The following CHRNA3 variants were observed in gnomAD, a reference collection of about 807,000 sequenced individuals.
The protein encoded by CHRNA3 is neuronal acetylcholine receptor subunit alpha-3.
In CHRNA3, 34 loss-of-function variants were observed where a neutral mutation model predicts 41.9. The ratio of observed to expected loss-of-function variants is 0.81; its 90% confidence interval spans 0.62 to 1.08. The LOEUF (loss-of-function observed/expected upper bound fraction) is 1.08. CHRNA3 is among the 50% of genes least tolerant of loss of function. CHRNA3 has a pLI of 0.00. For missense variants in CHRNA3, 542 were observed against 638.3 expected (o/e 0.85, Z 1.63); for synonymous variants, 281 against 265.2 (o/e 1.06, Z -0.58).
At position 78,607,727 on chromosome 15, in the gene CHRNA3, T is replaced by G. The variant is rs1227606739; in HGVS notation, c.378-5463A>C. Reference sequence around the variant, plus strand: ...GGAGTGCCAGACAGTGGGTGCAGGATAGTGGGTGCAGCGCACTGTGCATGA... The same window carrying G: ...GGAGTGCCAGACAGTGGGTGCAGGAGAGTGGGTGCAGCGCACTGTGCATGA... On this transcript the variant is annotated intron_variant, in intron 4 of 5. Coordinates refer to ENST00000326828, the MANE Select transcript of CHRNA3 (RefSeq NM_000743.5). 2.0e-5 allele frequency among the ~76,000 whole-genome samples: 3 copies of G among 152,104 alleles called. No homozygotes were observed. In the East Asian group the frequency reaches 5.8e-4, roughly 29 times the overall value.
chr15:78,598,604 G>C (rs1378441055), intron 5 of CHRNA3, among the ~76,000 whole-genome samples: 1 of 152,046 alleles, frequency 6.6e-6, no homozygotes, highest in African/African-American at 2.4e-5. Context: ...GCAGTGGCAT[G>C]ACCTCGCCTC....
At chr15:78,607,954 C>T (rs574259508) in intron 4 of CHRNA3, among the ~76,000 whole-genome samples, 64 of 152,186 alleles carry the variant, frequency 4.2e-4, no homozygotes, top group Admixed American at 9.8e-4. Flanking sequence ...CCTACACACA[C>T]GGAGTCTTGC....
chr15:78,600,138 G>C (rs1451861833), intron 5 of CHRNA3: 2 of 152,118 alleles, frequency 1.3e-5, no homozygotes, highest in Admixed American at 6.6e-5. Context: ...CTGGAGTGCA[G>C]TGGCATGATC....
intron 5 of CHRNA3, among the ~76,000 whole-genome samples, chr15:78,598,307 C>T (rs141243401): frequency 2.0e-5 from 3 of 152,264 alleles, no homozygotes; most frequent in Non-Finnish European, 2.9e-5. Flanking sequence ...ATGACCCTTA[C>T]TCAAGCCTCA....
chr15:78,598,204 A>G (rs909510184), intron 5 of CHRNA3, among the ~76,000 whole-genome samples: 2 of 152,150 alleles, frequency 1.3e-5, no homozygotes, highest in African/African-American at 4.8e-5. Flanking sequence ...TTATCTGTAA[A>G]ATGGGGATAA....
chr15:78,610,798 G>T (rs2053368343), intron 4 of CHRNA3, among the ~76,000 whole-genome samples: 1 of 151,932 alleles, frequency 6.6e-6, no homozygotes, highest in Non-Finnish European at 1.5e-5. Context: ...CTGGTTTTTT[G>T]AAAAGATCAA....
At chr15:78,609,415 G>T (rs1465404987) in intron 4 of CHRNA3, among the ~76,000 whole-genome samples, 1 of 152,160 alleles carries the variant, frequency 6.6e-6, no homozygotes, top group African/African-American at 2.4e-5. Flanking sequence ...GAGAGTGGGG[G>T]CCAATATTCA....
chr15:78,607,707 G>T (rs953441581), intron 4 of CHRNA3, among the ~76,000 whole-genome samples: 1 of 152,224 alleles, frequency 6.6e-6, no homozygotes, highest in Non-Finnish European at 1.5e-5. Context: ...ACTAGGGAGT[G>T]CCAGACAGTG....
At chr15:78,597,566 T>C (rs1434737563) in intron 5 of CHRNA3, among the ~76,000 whole-genome samples, 3 of 152,236 alleles carry the variant, frequency 2.0e-5, no homozygotes, top group African/African-American at 7.2e-5. Context: ...AAGTCATTTT[T>C]ACTCATAAGA....
intron 4 of CHRNA3, chr15:78,607,413 G>C (rs1360188129): frequency 2.7e-5 from 4 of 150,682 alleles, no homozygotes; most frequent in African/African-American, 9.8e-5. Context: ...AATATCACAG[G>C]AGAAAGGCTG....
intron 5 of CHRNA3, among the ~76,000 whole-genome samples, chr15:78,598,261 G>A (rs975647552): frequency 2.6e-5 from 4 of 152,162 alleles, no homozygotes; most frequent in African/African-American, 2.4e-5. Flanking sequence ...AGTCCTTAAT[G>A]AATAGAGCCT....
intron 4 of CHRNA3, among the ~76,000 whole-genome samples, chr15:78,608,448 G>A (rs113177954): frequency 5.3e-5 from 8 of 152,212 alleles, no homozygotes; most frequent in Admixed American, 1.3e-4. Flanking sequence ...TGCAGCCACC[G>A]CTGCTGATAC....
chr15:78,607,173 GAGCCAAGGCACTCC>G (rs1596077190), intron 4 of CHRNA3, among the ~76,000 whole-genome samples: 1 of 147,492 alleles, frequency 6.8e-6, no homozygotes, highest in Non-Finnish European at 1.5e-5. Context: ...AGATTGCAGT[GAGCCAAGGCACTCC>G]AGCCTGGCCA....
chr15:78,600,803 AGT>A (rs2053185692), intron 5 of CHRNA3, among the ~76,000 whole-genome samples: 1 of 152,096 alleles, frequency 6.6e-6, no homozygotes, highest in Admixed American at 6.6e-5. Context: ...GGGAGGCGGA[AGT>A]TGCAGTGAGC....
At position 78,601,789 on chromosome 15, in the gene CHRNA3, C is replaced by A; in HGVS notation, c.853G>T (p.Val285Leu). 6.2e-7 allele frequency: 1 copy of A among 1,614,148 alleles called. No individual in the cohort carries two copies. The highest frequency in any genetic ancestry group is 8.5e-7 in the Non-Finnish European group (1 of 1,180,032). Residue 285 changes from valine to leucine, a missense_variant, in exon 5 of 6, where the codon GTG (valine) becomes TTG (leucine). By Grantham distance (32) the Val-to-Leu change is conservative. Transcript: ENST00000326828. ...LCISVLLSLT[V>L]FLLVITETIP... is the part of the protein sequence containing the mutation. ...GTCTCAGTGATCACCAGGAGAAACACCGTCAGGGAGAGGAGGACAGAAATG... is the reference window on the plus strand; with the variant it reads ...GTCTCAGTGATCACCAGGAGAAACAACGTCAGGGAGAGGAGGACAGAAATG...
At chr15:78,606,655 G>A (rs572989138) in intron 4 of CHRNA3, among the ~76,000 whole-genome samples, 5 of 152,112 alleles carry the variant, frequency 3.3e-5, no homozygotes, top group Admixed American at 1.3e-4. Context: ...CAGCACTTTG[G>A]GAGGCCGAGG....
chr15:78,615,132 C>T (rs1372891289), intron 4 of CHRNA3, among the ~76,000 whole-genome samples: 2 of 152,308 alleles, frequency 1.3e-5, no homozygotes, highest in East Asian at 3.9e-4. Context: ...CTGGATGCAG[C>T]CACCCAGACG....
rs10637216 is a variant in CHRNA3, at chr15:78,595,892, A to ACCCC, written c.*711_*712insGGGG. On this transcript the variant is annotated 3_prime_UTR_variant, in exon 6 of 6. Transcript: ENST00000326828. ...TCATGTGAGGACACAGCTAGAAGGC[A>ACCCC]CCCTTTGAGGAAGAGGACCCTCACC... The ACCCC allele has an allele frequency of 0.27, 48,151 of 176,284 alleles. 7,462 individuals carry two copies. Among genetic ancestry groups the ACCCC allele is most frequent in the Admixed American group, 0.48 (7,254 of 15,240 alleles). 10.9% of individuals were successfully genotyped at this position (176,284 alleles called of 1,614,324 possible).
intron 4 of CHRNA3, among the ~76,000 whole-genome samples, chr15:78,609,121 C>A (rs554585851): frequency 1.3e-5 from 2 of 152,160 alleles, no homozygotes; most frequent in East Asian, 3.9e-4. Flanking sequence ...CTGAAAGTGA[C>A]GGGGAGAATG....
Sources: gnomAD v4.1 joint callset for allele counts (sites outside exome capture counted in the v4.1 genomes callset) on GRCh38, gnomAD v4.1.1 for gene constraint, MANE v1.5 for transcripts, NCBI Gene and HGNC (gene_info 2026-07-23, HGNC 2026-07-21) for gene names.